Variants in IRAK1BP1 observed in about 807,000 individuals in gnomAD.
IRAK1BP1 encodes interleukin-1 receptor-associated kinase 1-binding protein 1.
In IRAK1BP1, 24 loss-of-function variants were observed where a neutral mutation model predicts 28.0. The observed-to-expected ratio is 0.86, with a 90% CI of 0.62 to 1.20. The LOEUF is 1.20. Ranked by LOEUF, IRAK1BP1 falls within the 50% of genes most tolerant of loss-of-function variation. The probability of loss-of-function intolerance (pLI) is 0.00; values close to 1 mark genes in which losing one functional copy is unlikely to be tolerated. For missense variants in IRAK1BP1, 336 were observed against 316.7 expected (o/e 1.06, Z -0.46); for synonymous variants, 131 against 116.3 (o/e 1.13, Z -0.81).
chr6:78,946,474 C>G (rs1194012027), downstream of IRAK1BP1: 2 of 1,395,348 alleles, frequency 1.4e-6, no homozygotes, highest in Non-Finnish European at 1.8e-6. Flanking sequence ...AAGCATGATG[C>G]CATCACTATC....
downstream of IRAK1BP1, among the ~76,000 whole-genome samples, chr6:78,904,157 C>T (rs570227840): frequency 6.6e-6 from 1 of 152,354 alleles, no homozygotes; most frequent in East Asian, 1.9e-4. Flanking sequence ...ACTGTGTTTG[C>T]ACATTTTGCA....
At chr6:78,886,057 A>G (rs949556746) in intron 2 of IRAK1BP1, among the ~76,000 whole-genome samples, 2 of 152,186 alleles carry the variant, frequency 1.3e-5, no homozygotes, top group African/African-American at 2.4e-5. Flanking sequence ...ATTTTGGAGT[A>G]CGTGCCTAGT....
At chr6:78,943,604 T>C (rs749255115) in intron 4 of IRAK1BP1, among the ~76,000 whole-genome samples, 1 of 152,212 alleles carries the variant, frequency 6.6e-6, no homozygotes, top group Non-Finnish European at 1.5e-5. Context: ...CTCAGATTCT[T>C]TGGAGATACA....
rs567839887 is a variant in IRAK1BP1, at chr6:78,909,892, A to G, written c.*67+6782A>G. On this transcript the variant is annotated intron_variant and NMD_transcript_variant, in intron 4 of 4. Transcript: ENST00000606868. ...GCAGAATCAGTGATGTTATTTCTAT[A>G]TGTTGGATATTTTTCATAATTTTTT... is the stretch of plus-strand genomic sequence containing the variant. 2.6e-5 allele frequency among the ~76,000 whole-genome samples: 4 copies of G among 152,194 alleles called. No homozygotes were observed. The South Asian group carries it at 8.3e-4, about 32-fold the overall frequency.
chr6:78,963,015 A>G, the IRAK1BP1 span: 3 of 1,347,960 alleles, frequency 2.2e-6, no homozygotes, highest in Non-Finnish European at 3.0e-6. Flanking sequence ...GTGAAAAAAA[A>G]TTTTTGTTGG....
At chr6:78,889,235 A>G (rs1582010729) in intron 2 of IRAK1BP1, among the ~76,000 whole-genome samples, 1 of 152,126 alleles carries the variant, frequency 6.6e-6, no homozygotes, top group East Asian at 1.9e-4. Flanking sequence ...TCCACCTGCC[A>G]TGCTGCTTCT....
intron 4 of IRAK1BP1, among the ~76,000 whole-genome samples, chr6:78,922,446 AT>A (rs1772762138): frequency 6.6e-6 from 1 of 152,220 alleles, no homozygotes; most frequent in African/African-American, 2.4e-5. Flanking sequence ...TCTACATCTG[AT>A]TGGTGTACCT....
chr6:78,868,346 A>G (rs750624432), intron 1 of IRAK1BP1, among the ~76,000 whole-genome samples: 2 of 152,212 alleles, frequency 1.3e-5, no homozygotes, highest in Non-Finnish European at 2.9e-5. Flanking sequence ...AAAACTTTGC[A>G]TGGAATGGTT....
intron 1 of IRAK1BP1, among the ~76,000 whole-genome samples, chr6:78,884,748 T>G (rs1342697753): frequency 6.6e-6 from 1 of 152,166 alleles, no homozygotes; most frequent in East Asian, 1.9e-4. Context: ...TTTGGTAATT[T>G]TGTATTAAAA....
chr6:78,899,799 T>C lies in IRAK1BP1; in HGVS notation c.*1465T>C, dbSNP rs1772031902. 1 of 152,230 alleles carries C rather than the reference T, an allele frequency of 6.6e-6. No individual in the cohort carries two copies. Among genetic ancestry groups the C allele is most frequent in the African/African-American group, 2.4e-5 (1 of 41,464 alleles). The allele number at this position is 152,230 out of a possible 1,614,324, so 9.4% of individuals were successfully genotyped here. On this transcript the variant is annotated 3_prime_UTR_variant, in exon 4 of 4. Coordinates refer to ENST00000369940, the MANE Select transcript of IRAK1BP1 (RefSeq NM_001010844.4). ...AAAAAGAAACAGTTGAAACTAATTTTAATAACATTTTATTTAACCAAATAT... is the reference window on the plus strand; with the variant it reads ...AAAAAGAAACAGTTGAAACTAATTTCAATAACATTTTATTTAACCAAATAT...
intron 4 of IRAK1BP1, among the ~76,000 whole-genome samples, chr6:78,923,805 C>T (rs1772810107): frequency 6.6e-6 from 1 of 152,158 alleles, no homozygotes; most frequent in African/African-American, 2.4e-5. Flanking sequence ...GAACAATCTG[C>T]TCCTGAGTGA....
At chr6:78,885,590 A>G (rs1771399724) in intron 2 of IRAK1BP1, 147 bp downstream of exon 2, 3 of 480,420 alleles carry the variant, frequency 6.2e-6, no homozygotes, top group Admixed American at 4.0e-5. Context: ...TTATATATCT[A>G]TTTCGGCTTT....
chr6:78,883,696 C>T (rs932179310), intron 1 of IRAK1BP1, among the ~76,000 whole-genome samples: 5 of 152,040 alleles, frequency 3.3e-5, no homozygotes, highest in Non-Finnish European at 5.9e-5. Flanking sequence ...AGTACAGACC[C>T]CTAATTCTTG....
chr6:78,973,330 G>C, the IRAK1BP1 span, among the ~76,000 whole-genome samples: 1 of 150,592 alleles, frequency 6.6e-6, no homozygotes, highest in Admixed American at 6.6e-5. Flanking sequence ...CAAATGCTGA[G>C]AGATTTTGTC....
In IRAK1BP1 at chr6:78,898,254, A is replaced by C. The variant is rs149975467; in HGVS notation, c.703A>C (p.Ser235Arg). Residue 235 changes from serine to arginine, a missense_variant, in exon 4 of 4, where the codon AGT (serine) becomes CGT (arginine). Ser to Arg is a moderately radical substitution (Grantham distance 110, BLOSUM62 -1). Coordinates refer to ENST00000369940, the MANE Select transcript of IRAK1BP1 (RefSeq NM_001010844.4). ...SSLTVQQKIK[S>R]ATIHAASKVF... Reference sequence around the variant, plus strand: ...ATTAACTGTACAACAAAAAATCAAAAGTGCAACAATACATGCTGCTTCAAA... The same window carrying C: ...ATTAACTGTACAACAAAAAATCAAACGTGCAACAATACATGCTGCTTCAAA... 1 of 1,613,376 alleles carries C rather than the reference A, an allele frequency of 6.2e-7. No homozygotes were observed. Among genetic ancestry groups the C allele is most frequent in the Non-Finnish European group, 8.5e-7 (1 of 1,179,756 alleles).
At chr6:78,893,314 G>GTATATATATTTA in intron 2 of IRAK1BP1, among the ~76,000 whole-genome samples, 1 of 103,432 alleles carries the variant, frequency 9.7e-6, no homozygotes, top group South Asian at 4.9e-4. Context: ...GTGTGTGTGT[G>GTATATATATTTA]TATATATATA....
intron 1 of IRAK1BP1, among the ~76,000 whole-genome samples, chr6:78,882,353 G>A (rs1455668902): frequency 2.0e-5 from 3 of 152,186 alleles, no homozygotes; most frequent in Non-Finnish European, 4.4e-5. Flanking sequence ...TATTTATTGA[G>A]TGAGTGTGGG....
chr6:78,873,534 G>A (rs919363469), intron 1 of IRAK1BP1, among the ~76,000 whole-genome samples: 3 of 151,758 alleles, frequency 2.0e-5, no homozygotes, highest in African/African-American at 7.3e-5. Context: ...ATGGAGTAGG[G>A]TGATTACTAT....
chr6:78,905,432 A>G (rs1490017738), downstream of IRAK1BP1, among the ~76,000 whole-genome samples: 2 of 152,210 alleles, frequency 1.3e-5, no homozygotes, highest in African/African-American at 4.8e-5. Flanking sequence ...AGAGCCATGC[A>G]ATTACTGCTT....
Sources: gnomAD v4.1 joint callset for allele counts (sites outside exome capture counted in the v4.1 genomes callset) on GRCh38, gnomAD v4.1.1 for gene constraint, MANE v1.5 for transcripts, NCBI Gene and HGNC (gene_info 2026-07-23, HGNC 2026-07-21) for gene names.